The following IFNLR1 variants were observed in gnomAD, a reference collection of about 807,000 sequenced individuals.
The protein encoded by IFNLR1 is interferon lambda receptor 1.
Under a neutral mutation model 52.5 loss-of-function variants are expected in IFNLR1, and 28 were observed. That is an observed-to-expected ratio of 0.53 (90% CI 0.40 to 0.73). The LOEUF (loss-of-function observed/expected upper bound fraction) is 0.73. IFNLR1 is among the 30% of genes least tolerant of loss of function. IFNLR1 has a pLI of 0.00. For synonymous variants in IFNLR1, 276 were observed against 274.9 expected, an observed-to-expected ratio of 1.00 and a Z score of -0.04; for missense variants, 623 against 659.1, an observed-to-expected ratio of 0.95 and a Z score of 0.60.
chr1:24,164,079 C>T (rs1569646428), intron 3 of IFNLR1, among the ~76,000 whole-genome samples: 1 of 152,286 alleles, frequency 6.6e-6, no homozygotes, highest in Non-Finnish European at 1.5e-5. Context: ...AAGTTTTCTG[C>T]TCCCAACATA....
chr1:24,162,840 TTTC>T (rs1644470530), intron 3 of IFNLR1, among the ~76,000 whole-genome samples: 1 of 58,920 alleles, frequency 1.7e-5, no homozygotes, highest in Non-Finnish European at 3.2e-5. Flanking sequence ...CTTTTCTTTC[TTTC>T]TTTCTTTCTT....
intron 5 of IFNLR1, 64 bp from the exon 6 acceptor site, chr1:24,159,246 C>A: frequency 6.4e-7 from 1 of 1,574,250 alleles, no homozygotes; most frequent in Non-Finnish European, 8.7e-7. Flanking sequence ...TGCACCTGTG[C>A]CGAGTGCTTC....
intron 2 of IFNLR1, among the ~76,000 whole-genome samples, chr1:24,172,964 AC>A (rs1644596500): frequency 6.6e-6 from 1 of 152,036 alleles, no homozygotes. Context: ...ATTAGGGCCC[AC>A]CCTTATGATC....
chr1:24,162,855 CTTTCTT>C (rs1385297381), intron 3 of IFNLR1, among the ~76,000 whole-genome samples: 3 of 70,988 alleles, frequency 4.2e-5, no homozygotes, highest in Non-Finnish European at 8.2e-5. Context: ...TTCTTTCTTT[CTTTCTT>C]TCTTTCTTTC....
chr1:24,180,776 C>T lies in IFNLR1; in HGVS notation c.137G>A (p.Gly46Glu). Residue 46 changes from glycine (G) to glutamate (E), a missense_variant, in exon 2 of 7, where the codon GGG becomes GAG. By Grantham distance (98) the Gly-to-Glu change is moderately conservative. Transcript: ENST00000327535. ...GGTCACATCCTGGGGGTTGCCAAGCCCTGGGAGCCATGTCAGGTACACGCT... is the reference window on the plus strand; with the variant it reads ...GGTCACATCCTGGGGGTTGCCAAGCTCTGGGAGCCATGTCAGGTACACGCT... ...NFSVYLTWLPGLGNPQDVTYF... is the reference protein window; with the variant it reads ...NFSVYLTWLPELGNPQDVTYF... 1 of 1,613,890 alleles carries T rather than the reference C, an allele frequency of 6.2e-7. No homozygotes were observed. The highest frequency in any genetic ancestry group is 2.2e-5 in the East Asian group (1 of 44,862).
intron 2 of IFNLR1, among the ~76,000 whole-genome samples, chr1:24,173,817 T>A (rs1464898115): frequency 7.3e-6 from 1 of 137,448 alleles, no homozygotes; most frequent in African/African-American, 2.5e-5. Flanking sequence ...CCTGGCTAAT[T>A]TTGAAAATTT....
At chr1:24,159,215 A>G in intron 5 of IFNLR1, 33 bp from the exon 6 acceptor site, 1 of 1,612,490 alleles carries the variant, frequency 6.2e-7, no homozygotes, top group African/African-American at 1.3e-5. Context: ...GAGAGAAACA[A>G]CAATGGCTCT....
chr1:24,187,201 C>A lies in IFNLR1; in HGVS notation c.48G>T (p.Gln16His). The stretch of plus-strand genomic sequence containing the variant: ...GCCCCGCGCCCTTACCTGGAGCGGC[C>A]TGCAGCAGGCACAGGAGCAGGGGGC... ...RWGPLLLCLL[Q>H]AAPGRPRLAP... Residue 16 changes from glutamine (Q) to histidine (H), a missense_variant, in exon 1 of 7, where the codon CAG (glutamine) becomes CAT (histidine). By Grantham distance (24) the Gln-to-His change is conservative. Transcript: ENST00000327535. The A allele has an allele frequency of 7.5e-7, 1 of 1,341,282 alleles. No homozygotes were observed. The highest frequency in any genetic ancestry group is 1.8e-5 in the South Asian group (1 of 54,714). The allele number at this position is 1,341,282 out of a possible 1,614,324, so 83.1% of individuals were successfully genotyped here.
At chr1:24,173,708 G>T (rs567892860) in intron 2 of IFNLR1, among the ~76,000 whole-genome samples, 12 of 150,736 alleles carry the variant, frequency 8.0e-5, no homozygotes, top group Non-Finnish European at 1.2e-4. Context: ...GGGTGCAGTG[G>T]TGCAATCATA....
chr1:24,169,240 T>C (rs534951365), intron 3 of IFNLR1, among the ~76,000 whole-genome samples, 177 bp downstream of exon 3: 1 of 152,302 alleles, frequency 6.6e-6, no homozygotes, highest in Admixed American at 6.5e-5. Flanking sequence ...CTGCCAGACA[T>C]GGTCCCTCGC....
At chr1:24,180,939 G>A (rs905339646) in intron 1 of IFNLR1, 85 bp from the exon 2 acceptor site, 2 of 1,423,638 alleles carry the variant, frequency 1.4e-6, no homozygotes, top group Non-Finnish European at 1.9e-6. Flanking sequence ...CAGCACGAAG[G>A]GCAAGCAGGT....
At chr1:24,175,441 C>G (rs962211930) in intron 2 of IFNLR1, among the ~76,000 whole-genome samples, 2 of 152,236 alleles carry the variant, frequency 1.3e-5, no homozygotes, top group African/African-American at 4.8e-5. Context: ...TCCTTCTTTC[C>G]TATTTTTCTC....
intron 1 of IFNLR1, 51 bp downstream of exon 1, chr1:24,187,140 C>T: frequency 8.1e-7 from 1 of 1,238,354 alleles, no homozygotes; most frequent in South Asian, 1.7e-5. Context: ...TAGGCGCGGC[C>T]CGGCCCGGGG....
At position 24,156,390 on chromosome 1, in the gene IFNLR1, C is replaced by T. The variant is rs1315030284; in HGVS notation, c.*740G>A. The T allele has an allele frequency of 2.0e-5, 3 of 152,322 alleles. No homozygotes were observed. The highest frequency in any genetic ancestry group is 6.5e-5 in the Admixed American group (1 of 15,276). The allele number at this position is 152,322 out of a possible 1,614,324, so 9.4% of individuals were successfully genotyped here. ...CACCCAGGACACAGCAGGCTCCGTG[C>T]TACACACATCTGAGATCCCCTAGAA... is the stretch of plus-strand genomic sequence containing the variant. On this transcript the variant is annotated 3_prime_UTR_variant, in exon 7 of 7. Coordinates refer to ENST00000327535, the MANE Select transcript of IFNLR1 (RefSeq NM_170743.4).
At chr1:24,163,191 A>G (rs1054124104) in intron 3 of IFNLR1, among the ~76,000 whole-genome samples, 9 of 151,650 alleles carry the variant, frequency 5.9e-5, no homozygotes, top group African/African-American at 2.2e-4. Flanking sequence ...CAAACAACTG[A>G]CTTCAAGTCT....
intron 1 of IFNLR1, among the ~76,000 whole-genome samples, chr1:24,186,837 T>C (rs977897067): frequency 2.0e-5 from 3 of 152,200 alleles, no homozygotes; most frequent in Admixed American, 6.5e-5. Context: ...GTCCACACTT[T>C]AGGGTCAAGT....
intron 2 of IFNLR1, among the ~76,000 whole-genome samples, chr1:24,179,666 T>C (rs1644669094): frequency 6.6e-6 from 1 of 152,142 alleles, no homozygotes; most frequent in Admixed American, 6.5e-5. Flanking sequence ...CCCTCTGAGC[T>C]CAATCCCCTC....
chr1:24,182,943 A>ACAT, intron 1 of IFNLR1, among the ~76,000 whole-genome samples: 1 of 151,890 alleles, frequency 6.6e-6, no homozygotes, highest in African/African-American at 2.4e-5. Flanking sequence ...ATAAATAAAT[A>ACAT]AATAAGTAAA....
Position 24,159,081 on chromosome 1 carries a change from A to T in IFNLR1, c.772T>A (p.Phe258Ile). The part of the protein sequence containing the change: ...IWKTLMGNPW[F>I]QRAKMPRALD... ...GCCCGTGGCATCTTTGCCCGCTGAA[A>T]CCAGGGGTTCCCCATGAGGGTCTTC... Residue 258 changes from phenylalanine (F) to isoleucine (I), a missense_variant, in exon 6 of 7, where the codon TTT becomes ATT. Physicochemically the swap from Phe to Ile is conservative, Grantham distance 21. Transcript: ENST00000327535. The T allele has an allele frequency of 1.2e-6, 2 of 1,614,054 alleles. No homozygotes were observed. Among genetic ancestry groups the T allele is most frequent in the Non-Finnish European group, 1.7e-6 (2 of 1,180,016 alleles).
Sources: gnomAD v4.1 joint callset for allele counts (sites outside exome capture counted in the v4.1 genomes callset) on GRCh38, gnomAD v4.1.1 for gene constraint, MANE v1.5 for transcripts, NCBI Gene and HGNC (gene_info 2026-07-23, HGNC 2026-07-21) for gene names.